The following NCKAP5 variants were observed in gnomAD, a reference collection of about 807,000 sequenced individuals.
The protein encoded by NCKAP5 is NCK associated protein 5.
NCKAP5 carries 92 observed loss-of-function variants against 167.0 expected under a neutral mutation model. The observed-to-expected ratio is 0.55, with a 90% CI of 0.47 to 0.66. NCKAP5 has a LOEUF of 0.66. Among genes scored for constraint, NCKAP5 ranks in the 30% least tolerant of loss-of-function variants. The pLI, the probability that NCKAP5 is intolerant of heterozygous loss-of-function variation, is 0.00. For missense variants in NCKAP5, 2,378 were observed against 2,315.0 expected, an observed-to-expected ratio of 1.03 and a Z score of -0.56; for synonymous variants, 891 against 877.4, an observed-to-expected ratio of 1.02 and a Z score of -0.27.
intron 2 of NCKAP5, among the ~76,000 whole-genome samples, chr2:133,524,775 G>T (rs6730679): frequency 6.6e-6 from 1 of 152,040 alleles, no homozygotes; most frequent in Admixed American, 6.6e-5. Context: ...CTTTAAACAC[G>T]TACCTACAGC....
chr2:133,333,776 A>G (rs1683029488), intron 3 of NCKAP5: 1 of 152,334 alleles, frequency 6.6e-6, no homozygotes, highest in South Asian at 2.1e-4. Flanking sequence ...TCCCCTACAC[A>G]GTGAGGGACT....
At chr2:133,427,776 C>A (rs1369784552) in intron 3 of NCKAP5, among the ~76,000 whole-genome samples, 3 of 151,862 alleles carry the variant, frequency 2.0e-5, no homozygotes, top group African/African-American at 4.8e-5. Context: ...AATTAAATTT[C>A]TTATATTAAT....
intron 5 of NCKAP5, among the ~76,000 whole-genome samples, chr2:133,143,405 C>T (rs1428930823): frequency 6.6e-6 from 1 of 152,132 alleles, no homozygotes; most frequent in Admixed American, 6.6e-5. Context: ...GTGTACTGAA[C>T]ATGATGTATT....
intron 4 of NCKAP5, among the ~76,000 whole-genome samples, chr2:133,253,943 C>G (rs2088484647): frequency 6.6e-6 from 1 of 152,164 alleles, no homozygotes; most frequent in Non-Finnish European, 1.5e-5. Context: ...TATCTGCCTT[C>G]CGTCAACTCC....
chr2:133,501,272 G>T (rs543442332), intron 3 of NCKAP5, among the ~76,000 whole-genome samples: 1 of 152,166 alleles, frequency 6.6e-6, no homozygotes, highest in African/African-American at 2.4e-5. Flanking sequence ...ATAAGCTGAG[G>T]ACATGGAATG....
chr2:133,206,050 C>A (rs1391927527), intron 5 of NCKAP5, among the ~76,000 whole-genome samples: 1 of 152,056 alleles, frequency 6.6e-6, no homozygotes, highest in Admixed American at 6.6e-5. Flanking sequence ...TTTTCTTACT[C>A]CAGTAGCTAG....
chr2:132,872,350 T>C (rs1043861430), intron 9 of NCKAP5, among the ~76,000 whole-genome samples: 1 of 152,198 alleles, frequency 6.6e-6, no homozygotes, highest in African/African-American at 2.4e-5. Context: ...ACATGGCTGA[T>C]CTTCTACTCA....
intron 3 of NCKAP5, among the ~76,000 whole-genome samples, chr2:133,335,732 T>C (rs1467602095): frequency 2.0e-5 from 3 of 152,212 alleles, no homozygotes; most frequent in Non-Finnish European, 4.4e-5. Context: ...CACATTACTA[T>C]GATAATCAAT....
At chr2:133,369,490 A>C (rs954138933) in intron 3 of NCKAP5, among the ~76,000 whole-genome samples, 1 of 152,236 alleles carries the variant, frequency 6.6e-6, no homozygotes, top group Non-Finnish European at 1.5e-5. Flanking sequence ...TGTTCGTTAA[A>C]GTTATAACTG....
intron 11 of NCKAP5, among the ~76,000 whole-genome samples, chr2:132,805,045 T>C (rs1358917535): frequency 2.0e-5 from 3 of 152,082 alleles, no homozygotes; most frequent in Non-Finnish European, 4.4e-5. Context: ...ATTAATTATG[T>C]TGCCTTGGTG....
intron 3 of NCKAP5, among the ~76,000 whole-genome samples, chr2:133,314,045 C>T (rs1681435178): frequency 1.3e-5 from 2 of 152,192 alleles, no homozygotes; most frequent in Admixed American, 1.3e-4. Context: ...ATTTCATTCA[C>T]TACAGTATAT....
At position 132,860,488 on chromosome 2, in the gene NCKAP5, A is replaced by G. The variant is rs1388063374; in HGVS notation, c.807+4T>C. 7.7e-6 allele frequency: 12 copies of G among 1,565,182 alleles called. No individual in the cohort carries two copies. The highest frequency in any genetic ancestry group is 4.7e-5 in the South Asian group (4 of 85,008). ...CAAAGATTGTTTTCCAGATAAACAC[A>G]TACCTGGAGGAGCAGATCAGAAGTG... On this transcript the variant is annotated splice_donor_region_variant and intron_variant, in intron 11 of 19. Coordinates refer to ENST00000409261, the MANE Select transcript of NCKAP5 (RefSeq NM_207363.3).
chr2:133,431,937 T>C (rs1690185798), intron 3 of NCKAP5: 1 of 152,174 alleles, frequency 6.6e-6, no homozygotes, highest in Non-Finnish European at 1.5e-5. Context: ...TTTGTAAAAT[T>C]GCCCATGGAA....
intron 5 of NCKAP5, among the ~76,000 whole-genome samples, chr2:133,138,948 C>A (rs1020506905): frequency 6.6e-6 from 1 of 152,190 alleles, no homozygotes; most frequent in Non-Finnish European, 1.5e-5. Context: ...CACAGTGTGG[C>A]CACCTGGAAC....
chr2:132,996,525 A>G (rs879673888), intron 6 of NCKAP5, among the ~76,000 whole-genome samples: 1 of 152,130 alleles, frequency 6.6e-6, no homozygotes, highest in African/African-American at 2.4e-5. Flanking sequence ...ACTTCCTAAG[A>G]TAACTCCTCA....
At chr2:132,689,069 T>C (rs1280638165) in intron 19 of NCKAP5, among the ~76,000 whole-genome samples, 2 of 148,514 alleles carry the variant, frequency 1.3e-5, no homozygotes, top group African/African-American at 5.0e-5. Flanking sequence ...CTACCCAGAA[T>C]GGAAGGTTTG....
rs776477288 is a variant in NCKAP5 at position 132,784,961 on chromosome 2, A to T, written c.1850T>A (p.Leu617Gln). Residue 617 changes from leucine (L) to glutamine (Q), a missense_variant, in exon 14 of 20, where the codon CTG (leucine) becomes CAG (glutamine). This residue lies in a region of NCKAP5 where 1,049 missense variants were observed against 1,023.4 expected (regional missense o/e 1.02). Transcript: ENST00000409261. Reference sequence around the variant, plus strand: ...TTTTCCAAACCCCACAAGGACATCCAGGTTCTCCACGGACTTATCGGTGTC... The same window carrying T: ...TTTTCCAAACCCCACAAGGACATCCTGGTTCTCCACGGACTTATCGGTGTC... ...AADTDKSVEN[L>Q]DVLVGFGKSL... The T allele has an allele frequency of 6.2e-7, 1 of 1,611,402 alleles. No individual in the cohort carries two copies. The highest frequency in any genetic ancestry group is 1.3e-5 in the African/African-American group (1 of 74,824).
intron 4 of NCKAP5, among the ~76,000 whole-genome samples, chr2:133,236,570 T>G (rs1255032556): frequency 6.6e-6 from 1 of 152,158 alleles, no homozygotes; most frequent in Non-Finnish European, 1.5e-5. Context: ...ATTTCATAGA[T>G]GATGATAGGA....
chr2:132,788,983 C>T (rs943878527), intron 13 of NCKAP5, among the ~76,000 whole-genome samples: 3 of 152,128 alleles, frequency 2.0e-5, no homozygotes, highest in African/African-American at 4.8e-5. Flanking sequence ...TGTACTGGTA[C>T]TCCATGACCA....
Sources: gnomAD v4.1 joint callset for allele counts (sites outside exome capture counted in the v4.1 genomes callset) on GRCh38, gnomAD v4.1.1 for gene constraint, gnomAD v4.1.1 regional missense constraint, MANE v1.5 for transcripts, NCBI Gene and HGNC (gene_info 2026-07-23, HGNC 2026-07-21) for gene names.